Variants in MYO10 observed in about 807,000 individuals in gnomAD.
MYO10 encodes unconventional myosin-X.
MYO10 carries 133 observed loss-of-function variants against 257.3 expected under a neutral mutation model. That is an observed-to-expected ratio of 0.52 (90% CI 0.45 to 0.60). The LOEUF (loss-of-function observed/expected upper bound fraction) is 0.60, where lower values mean the gene tolerates loss of function less well. Ranked by LOEUF, MYO10 falls within the 20% of genes least tolerant of loss-of-function variation. The pLI, the probability that MYO10 is intolerant of heterozygous loss-of-function variation, is 0.00. For synonymous variants in MYO10, 1,104 were observed against 1,028.6 expected (o/e 1.07, Z -1.40); for missense variants, 2,399 against 2,635.7 (o/e 0.91, Z 1.97).
In MYO10 at chr5:16,818,001, G is replaced by C; in HGVS notation, c.279+8C>G. On this transcript the variant is annotated splice_region_variant and intron_variant, in intron 3 of 40. Transcript: ENST00000513610. ...GATCTTTTTAAAGGAATTACAAGTGGAACTTACATATATTTGATTTCTCTT... is the reference window on the plus strand; with the variant it reads ...GATCTTTTTAAAGGAATTACAAGTGCAACTTACATATATTTGATTTCTCTT... 6.6e-7 allele frequency: 1 copy of C among 1,523,520 alleles called. No homozygotes were observed. Among genetic ancestry groups the C allele is most frequent in the African/African-American group, 1.4e-5 (1 of 73,384 alleles). 94.4% of individuals were successfully genotyped at this position (1,523,520 alleles called of 1,614,324 possible).
At chr5:16,898,814 T>G (rs1745292421) in intron 1 of MYO10, among the ~76,000 whole-genome samples, 1 of 152,008 alleles carries the variant, frequency 6.6e-6, no homozygotes. Flanking sequence ...GCTAAAGCAC[T>G]GGACAGACCA....
At position 16,766,101 on chromosome 5, in the gene MYO10, G is replaced by A. The variant is rs1206733965; in HGVS notation, c.1158C>T (p.Leu386=). ...RSMFLRGEEI[L]TPLNVQQAVD... ...GTACCTGTTGAACATTGAGAGGCGT[G>A]AGGATCTCTTCTCCCCTGAGGAACA... Residue 386 remains leucine (L), a synonymous_variant, in exon 11 of 41, where the codon CTC becomes CTT. Transcript: ENST00000513610. 3 of 1,612,230 alleles carry A rather than the reference G, an allele frequency of 1.9e-6. No homozygotes were observed. Among genetic ancestry groups the A allele is most frequent in the South Asian group, 1.1e-5 (1 of 91,054 alleles).
intron 19 of MYO10, among the ~76,000 whole-genome samples, chr5:16,753,617 C>T (rs943830455): frequency 1.3e-5 from 2 of 151,658 alleles, no homozygotes; most frequent in Non-Finnish European, 2.9e-5. Context: ...ATTACAGGCA[C>T]GTGACACCAT....
rs185687767 is a variant in MYO10 at position 16,741,590 on chromosome 5, A to G, written c.1929+13238T>C. The stretch of plus-strand genomic sequence containing the variant: ...TGCATTATCAACGCCTTAACTGATC[A>G]GTGAATTGTGTCCTTCATTTTTACA... On this transcript the variant is annotated intron_variant, in intron 19 of 40. Coordinates refer to ENST00000513610, the MANE Select transcript of MYO10 (RefSeq NM_012334.3). 2.7e-3 allele frequency among the ~76,000 whole-genome samples: 410 copies of G among 152,346 alleles called. 1 individual carries two copies. The highest frequency in any genetic ancestry group is 8.9e-3 in the African/African-American group (368 of 41,578).
chr5:16,762,673 G>A, intron 14 of MYO10, 36 bp from the exon 15 acceptor site: 3 of 1,483,286 alleles, frequency 2.0e-6, no homozygotes, highest in Non-Finnish European at 2.8e-6. Context: ...ATTAAAAGTT[G>A]AATGTGGCTG....
intron 9 of MYO10, among the ~76,000 whole-genome samples, chr5:16,778,689 T>TG (rs1491544068): frequency 5.3e-4 from 1 of 1,898 alleles, no homozygotes; most frequent in African/African-American, 1.1e-3. Flanking sequence ...TTTGCTGAGG[T>TG]TTTTTTTTTT....
At chr5:16,884,138 C>A (rs760377004) in intron 1 of MYO10, among the ~76,000 whole-genome samples, 22 of 152,338 alleles carry the variant, frequency 1.4e-4, no homozygotes, top group Non-Finnish European at 1.9e-4. Flanking sequence ...TGCCTGTAAT[C>A]CCAGCACTCT....
chr5:16,882,438 TAA>T (rs1373837660), intron 1 of MYO10, among the ~76,000 whole-genome samples: 1 of 152,008 alleles, frequency 6.6e-6, no homozygotes, highest in Admixed American at 6.6e-5. Context: ...AAAATTTTTT[TAA>T]GTCTTGTGTG....
chr5:16,870,042 G>T (rs1189923148), intron 2 of MYO10, among the ~76,000 whole-genome samples: 5 of 151,184 alleles, frequency 3.3e-5, no homozygotes, highest in African/African-American at 1.2e-4. Context: ...GTGTTTCTGA[G>T]GTTCCATTTT....
Position 16,680,061 on chromosome 5 carries a change from C to A in MYO10, c.4428G>T (p.Arg1476=). 1 of 1,613,754 alleles carries A rather than the reference C, an allele frequency of 6.2e-7. No individual in the cohort carries two copies. The part of the protein sequence containing the change: ...VTVYGRKHCY[R]LYTKLLNEAT... ...CCTCGTTGAGCAGCTTGGTGTAGAGCCGGTAACAGTGCTTGCGCCCGTACA... is the reference window on the plus strand; with the variant it reads ...CCTCGTTGAGCAGCTTGGTGTAGAGACGGTAACAGTGCTTGCGCCCGTACA... Residue 1476 remains arginine (R), a synonymous_variant, in exon 33 of 41, where the codon CGG becomes CGT. Coordinates refer to ENST00000513610, the MANE Select transcript of MYO10 (RefSeq NM_012334.3).
At chr5:16,898,714 G>A (rs1745288828) in intron 1 of MYO10, among the ~76,000 whole-genome samples, 1 of 151,668 alleles carries the variant, frequency 6.6e-6, no homozygotes, top group African/African-American at 2.4e-5. Context: ...TGGCCCCATT[G>A]TCAAATTCTG....
chr5:16,898,236 A>T (rs904448617), intron 1 of MYO10, among the ~76,000 whole-genome samples: 1 of 136,388 alleles, frequency 7.3e-6, no homozygotes, highest in African/African-American at 3.0e-5. Flanking sequence ...TGTAATTTTA[A>T]ATTTTCTAAT....
At chr5:16,793,823 C>T (rs563802425) in intron 4 of MYO10, among the ~76,000 whole-genome samples, 73 of 151,054 alleles carry the variant, frequency 4.8e-4, no homozygotes, top group Non-Finnish European at 6.2e-4. Flanking sequence ...CCCAGCTACT[C>T]GGGAGGCTGA....
chr5:16,922,817 G>A (rs1229652424), intron 1 of MYO10, among the ~76,000 whole-genome samples: 2 of 152,166 alleles, frequency 1.3e-5, no homozygotes, highest in Admixed American at 6.5e-5. Flanking sequence ...GATAGCTTGG[G>A]CCCAGGAGTT....
intron 1 of MYO10, among the ~76,000 whole-genome samples, chr5:16,925,287 T>A (rs1442394105): frequency 2.0e-5 from 3 of 152,096 alleles, no homozygotes; most frequent in African/African-American, 7.2e-5. Flanking sequence ...AAGTAATAAT[T>A]GAAGAAAATA....
At chr5:16,934,032 G>C (rs985550425) in intron 1 of MYO10, among the ~76,000 whole-genome samples, 1 of 152,208 alleles carries the variant, frequency 6.6e-6, no homozygotes, top group Non-Finnish European at 1.5e-5. Context: ...AAAATGAAGA[G>C]GAGAAAGTAG....
At chr5:16,769,444 C>T (rs927942162) in intron 9 of MYO10, among the ~76,000 whole-genome samples, 1 of 152,182 alleles carries the variant, frequency 6.6e-6, no homozygotes, top group Non-Finnish European at 1.5e-5. Flanking sequence ...AAGCAATTCT[C>T]GTGCCTCAGC....
chr5:16,764,024 T>A (rs1472035162), intron 12 of MYO10, among the ~76,000 whole-genome samples: 1 of 151,980 alleles, frequency 6.6e-6, no homozygotes, highest in African/African-American at 2.4e-5. Flanking sequence ...GGCAGGCACC[T>A]GTAATCTCAG....
rs1348984998 is a variant in MYO10 at position 16,783,365 on chromosome 5, G to T, written c.572C>A (p.Ser191Tyr). ...TTCAAGAATAGCTCGTTCAACACAG[G>T]ATGTCTTCTCCTTTAAGGACAATTC... ...SLELSLKEKT[S>Y]CVERAILESS... is the part of the protein sequence containing the mutation. The change falls in exon 5 of 41, where the codon TCC (serine) becomes TAC (tyrosine). Residue 191 changes from serine to tyrosine, a missense_variant. Around this residue, in one of 3 missense-constraint regions of MYO10, gnomAD observed 242 missense variants for 249.5 expected, o/e 0.97. Coordinates refer to ENST00000513610, the MANE Select transcript of MYO10 (RefSeq NM_012334.3). The T allele has an allele frequency of 2.5e-6, 4 of 1,597,948 alleles. No homozygotes were observed. The South Asian group carries it at 4.6e-5, about 18-fold the overall frequency.
Sources: allele counts gnomAD v4.1 joint callset (sites outside exome capture counted in the v4.1 genomes callset), GRCh38; gene constraint gnomAD v4.1.1; regional missense constraint gnomAD v4.1.1; transcripts MANE v1.5; gene names NCBI Gene and HGNC (gene_info 2026-07-23, HGNC 2026-07-21).